CAMTA1: variants seen among roughly 807,000 people sequenced by gnomAD.
CAMTA1 encodes the protein calmodulin binding transcription activator 1.
Under a neutral mutation model 170.9 loss-of-function variants are expected in CAMTA1, and 27 were observed. The observed-to-expected ratio is 0.16, with a 90% CI of 0.12 to 0.22. CAMTA1 has a LOEUF of 0.22. Ranked by LOEUF, CAMTA1 falls within the 10% of genes least tolerant of loss-of-function variation. The pLI, the probability that CAMTA1 is intolerant of heterozygous loss-of-function variation, is 1.00. For synonymous variants in CAMTA1, 833 were observed against 891.5 expected (o/e 0.93, Z 1.17); for missense variants, 1,619 against 2,217.2 (o/e 0.73, Z 5.42).
intron 6 of CAMTA1, among the ~76,000 whole-genome samples, chr1:7,504,656 A>C (rs559796045): frequency 6.6e-6 from 1 of 152,258 alleles, no homozygotes; most frequent in African/African-American, 2.4e-5. Flanking sequence ...GCCCACAGCC[A>C]TGTACTAGAG....
At chr1:6,912,250 A>T (rs1178324628) in intron 3 of CAMTA1, among the ~76,000 whole-genome samples, 2 of 152,226 alleles carry the variant, frequency 1.3e-5, no homozygotes, top group African/African-American at 4.8e-5. Flanking sequence ...TGGCTTGAGT[A>T]GCTGTAACCC....
At chr1:7,407,176 T>C (rs2149238373) in intron 5 of CAMTA1, among the ~76,000 whole-genome samples, 1 of 152,362 alleles carries the variant, frequency 6.6e-6, no homozygotes, top group African/African-American at 2.4e-5. Flanking sequence ...AGGTTAGTGA[T>C]AATATGCTCC....
chr1:7,647,587 G>A (rs1361057944), intron 7 of CAMTA1, among the ~76,000 whole-genome samples: 2 of 152,142 alleles, frequency 1.3e-5, no homozygotes, highest in Non-Finnish European at 2.9e-5. Flanking sequence ...TAATTCTGGA[G>A]TGGTGGGGCT....
intron 3 of CAMTA1, among the ~76,000 whole-genome samples, chr1:6,878,096 C>T (rs1670446795): frequency 6.6e-6 from 1 of 152,238 alleles, no homozygotes; most frequent in African/African-American, 2.4e-5. Context: ...GCAGATGGTT[C>T]TTATCCCTGC....
chr1:7,737,901 C>T, intron 15 of CAMTA1, 58 bp from the exon 16 acceptor site: 1 of 1,509,252 alleles, frequency 6.6e-7, no homozygotes, highest in South Asian at 1.3e-5. Context: ...AGTGTTGATT[C>T]TTGAGGATTC....
intron 5 of CAMTA1, among the ~76,000 whole-genome samples, chr1:7,371,243 GT>G (rs2086443288): frequency 4.8e-3 from 14 of 2,924 alleles, no homozygotes; most frequent in Admixed American, 9.3e-3. Flanking sequence ...TCTGGGTTTT[GT>G]TTGTTTGTTT....
At chr1:7,504,378 TG>T (rs2094064686) in intron 6 of CAMTA1, among the ~76,000 whole-genome samples, 1 of 152,228 alleles carries the variant, frequency 6.6e-6, no homozygotes, top group East Asian at 1.9e-4. Context: ...CCTTGCTGCC[TG>T]GGCTTGGCCT....
chr1:7,301,488 G>A (rs900218990), intron 5 of CAMTA1, among the ~76,000 whole-genome samples: 14 of 152,288 alleles, frequency 9.2e-5, no homozygotes, highest in Middle Eastern at 3.4e-3. Flanking sequence ...GGCTTTGCCC[G>A]TGGGGCCCGG....
chr1:7,707,462 A>C (rs2096535519), intron 11 of CAMTA1, among the ~76,000 whole-genome samples: 1 of 151,718 alleles, frequency 6.6e-6, no homozygotes, highest in Non-Finnish European at 1.5e-5. Context: ...TGCAGCCTCC[A>C]CCTCCCGGGC....
intron 3 of CAMTA1, among the ~76,000 whole-genome samples, chr1:7,055,770 A>G (rs1301300664): frequency 6.6e-6 from 1 of 152,100 alleles, no homozygotes; most frequent in African/African-American, 2.4e-5. Flanking sequence ...ACTATTTTCT[A>G]TCCCGGAGTT....
chr1:6,792,783 A>C (rs771493476), intron 1 of CAMTA1, among the ~76,000 whole-genome samples: 21 of 152,118 alleles, frequency 1.4e-4, no homozygotes, highest in Non-Finnish European at 2.5e-4. Context: ...CTTTCAAGTC[A>C]CGTAACATAT....
At chr1:7,287,478 T>TC (rs1446180120) in intron 5 of CAMTA1, among the ~76,000 whole-genome samples, 1 of 152,198 alleles carries the variant, frequency 6.6e-6, no homozygotes, top group Non-Finnish European at 1.5e-5. Context: ...TTTCTCCCTT[T>TC]CCTTCTTCTC....
In CAMTA1 at chr1:7,705,552, G is replaced by GGGCGC. The variant is rs1553256533; in HGVS notation, c.2915-26893_2915-26892insGCGGC. Among the ~76,000 whole-genome samples, 105 of 150,906 alleles carry GGGCGC rather than the reference G, an allele frequency of 7.0e-4. 1 individual carries two copies. The highest frequency in any genetic ancestry group is 2.5e-3 in the African/African-American group (102 of 41,400). ...GCTGGGGCGGCGTCGGGGCGCGCGG[G>GGGCGC]GGCCCGGCCCGGCCGGCGGCGAGTG... On this transcript the variant is annotated intron_variant, in intron 11 of 22. Coordinates refer to ENST00000303635, the MANE Select transcript of CAMTA1 (RefSeq NM_015215.4).
At chr1:6,961,879 C>T (rs1193561473) in intron 3 of CAMTA1, among the ~76,000 whole-genome samples, 32 of 152,212 alleles carry the variant, frequency 2.1e-4, no homozygotes, top group Non-Finnish European at 1.5e-5. Flanking sequence ...GGAGGACGGC[C>T]AGAGTGCGCC....
intron 5 of CAMTA1, among the ~76,000 whole-genome samples, chr1:7,250,961 C>G (rs1403187181): frequency 6.6e-6 from 1 of 152,128 alleles, no homozygotes; most frequent in Non-Finnish European, 1.5e-5. Flanking sequence ...TCGCAGGGAG[C>G]CAAAGGAGGG....
chr1:7,625,334 C>T (rs1479472644), intron 6 of CAMTA1, among the ~76,000 whole-genome samples: 1 of 152,260 alleles, frequency 6.6e-6, no homozygotes, highest in Non-Finnish European at 1.5e-5. Flanking sequence ...CCTCCTTCAG[C>T]TCTGCTGGCA....
chr1:7,459,775 G>A (rs1227674984), intron 5 of CAMTA1, among the ~76,000 whole-genome samples: 1 of 152,150 alleles, frequency 6.6e-6, no homozygotes, highest in Non-Finnish European at 1.5e-5. Flanking sequence ...CTGCCTCTTG[G>A]GTCACAGCCG....
chr1:6,950,728 C>T (rs150592998), intron 3 of CAMTA1, among the ~76,000 whole-genome samples: 5 of 151,924 alleles, frequency 3.3e-5, no homozygotes, highest in African/African-American at 1.2e-4. Context: ...CCCAGCCCCA[C>T]CAATCAACCA....
At chr1:7,671,388 A>G (rs532229403) in intron 10 of CAMTA1, among the ~76,000 whole-genome samples, 2 of 152,280 alleles carry the variant, frequency 1.3e-5, no homozygotes, top group African/African-American at 4.8e-5. Flanking sequence ...AGCTGGTAAG[A>G]GCTGGGGCCA....
Sources: gnomAD v4.1 joint callset for allele counts (sites outside exome capture counted in the v4.1 genomes callset) on GRCh38, gnomAD v4.1.1 for gene constraint, MANE v1.5 for transcripts, NCBI Gene and HGNC (gene_info 2026-07-23, HGNC 2026-07-21) for gene names.